The following KCNIP2 variants were observed in gnomAD, a reference collection of about 807,000 sequenced individuals.
The protein encoded by KCNIP2 is A-type potassium channel modulatory protein KCNIP2.
In KCNIP2, 19 loss-of-function variants were observed where a neutral mutation model predicts 39.0. The observed-to-expected ratio is 0.49, with a 90% confidence interval of 0.34 to 0.71. KCNIP2 has a LOEUF of 0.71. Among genes scored for constraint, KCNIP2 ranks in the 30% least tolerant of loss-of-function variants. KCNIP2 has a pLI of 0.01. For missense variants in KCNIP2, 261 were observed against 346.0 expected, an observed-to-expected ratio of 0.75 and a Z score of 1.95; for synonymous variants, 111 against 131.2, an observed-to-expected ratio of 0.85 and a Z score of 1.05.
chr10:101,842,090 C>T (rs777238613), intron 1 of KCNIP2, among the ~76,000 whole-genome samples: 1 of 152,208 alleles, frequency 6.6e-6, no homozygotes, highest in South Asian at 2.1e-4. Flanking sequence ...TCCCCTCCCC[C>T]TTCCCAGGTC....
At chr10:101,833,370 C>T (rs1455198826) in intron 1 of KCNIP2, among the ~76,000 whole-genome samples, 2 of 152,126 alleles carry the variant, frequency 1.3e-5, no homozygotes, top group Admixed American at 6.5e-5. Flanking sequence ...CTGGAGATCA[C>T]TCTGCACTTG....
In KCNIP2 at chr10:101,843,613, C is replaced by T. The variant is rs1179764964; in HGVS notation, c.-45G>A. 8 of 1,228,584 alleles carry T rather than the reference C, an allele frequency of 6.5e-6. No individual in the cohort carries two copies. Among genetic ancestry groups the T allele is most frequent in the East Asian group, 2.8e-5 (1 of 35,332 alleles). 76.1% of individuals were successfully genotyped at this position (1,228,584 alleles called of 1,614,324 possible). On this transcript the variant is annotated 5_prime_UTR_variant, in exon 1 of 10. Transcript: ENST00000356640. This position sits in a 1 kb window ranked among gnomAD's most constrained non-coding sequence, Gnocchi z 6.7. ...CCGCCCGGGCCGTGGGAGGGGGCGC[C>T]GGGTGGCCGGGATAGGGCGCTCACA... is the stretch of plus-strand genomic sequence containing the variant.
At position 101,843,090 on chromosome 10, in the gene KCNIP2, C is replaced by G. The variant is rs1263650832; in HGVS notation, c.73+406G>C. ...GTCCTACGCAAACTCAAACATCTGA[C>G]GAGACCATACAATTGCACTGCCACA... On this transcript the variant is annotated intron_variant, in intron 1 of 9. Transcript: ENST00000356640. This position sits in a 1 kb window ranked among gnomAD's most constrained non-coding sequence, Gnocchi z 6.7. 1.3e-5 allele frequency among the ~76,000 whole-genome samples: 2 copies of G among 152,204 alleles called. No homozygotes were observed. The highest frequency in any genetic ancestry group is 4.8e-5 in the African/African-American group (2 of 41,438).
intron 1 of KCNIP2, among the ~76,000 whole-genome samples, chr10:101,842,707 T>C (rs1040457931): frequency 2.0e-5 from 3 of 151,936 alleles, no homozygotes; most frequent in African/African-American, 7.3e-5. Context: ...TGTGGAAAAA[T>C]TGGTGAAGGA....
Position 101,827,907 on chromosome 10 carries a change from G to T in KCNIP2, c.684C>A (p.His228Gln). 2 of 1,613,474 alleles carry T rather than the reference G, an allele frequency of 1.2e-6. No homozygotes were observed. Among genetic ancestry groups the T allele is most frequent in the Non-Finnish European group, 1.7e-6 (2 of 1,179,406 alleles). ...PALREEAPRE[H>Q]VESFFQKMDR... The stretch of plus-strand genomic sequence containing the variant: ...CAAGTACCTGGAAGAAGCTCTCCAC[G>T]TGTTCCCTTGGGGCCTCCTCCCGGA... Residue 228 changes from histidine (H) to glutamine (Q), a missense_variant, in exon 8 of 10, where the codon CAC becomes CAA. Physicochemically the swap from His to Gln is conservative, Grantham distance 24. Transcript: ENST00000356640.
chr10:101,827,572 G>T lies in KCNIP2; in HGVS notation c.765+117C>A, dbSNP rs1372694868. On this transcript the variant is annotated intron_variant, in intron 9 of 9. Coordinates refer to ENST00000356640, the MANE Select transcript of KCNIP2 (RefSeq NM_173191.3). The stretch of plus-strand genomic sequence containing the variant: ...GGGTAAGCCTCCCACAAAGGAATAG[G>T]ATTGAAATATGGGGGTGAGGTGGGA... 30 of 1,343,060 alleles carry T rather than the reference G, an allele frequency of 2.2e-5. No homozygotes were observed. The Admixed American group carries it at 2.4e-4, about 11-fold the overall frequency. 83.2% of individuals were successfully genotyped at this position (1,343,060 alleles called of 1,614,324 possible). A position where few individuals can be genotyped will look rare whatever the true frequency, so the allele number is the denominator to read the frequency against.
intron 1 of KCNIP2, among the ~76,000 whole-genome samples, chr10:101,837,076 A>T (rs1251255171): frequency 6.6e-6 from 1 of 152,196 alleles, no homozygotes; most frequent in East Asian, 1.9e-4. Flanking sequence ...GTGCCACTGT[A>T]CTTCAGCCTA....
At position 101,828,816 on chromosome 10, in the gene KCNIP2, C is replaced by T; in HGVS notation, c.349-120G>A. On this transcript the variant is annotated intron_variant, in intron 4 of 9. Transcript: ENST00000356640. The surrounding 1 kb of genome is among the most constrained non-coding windows in gnomAD (Gnocchi z 6.6). Reference sequence around the variant, plus strand: ...ATAATCTTCAAGCCTCCAGAGGACTCACCACGTGGCTCATGTGATGGGAGG... The same window carrying T: ...ATAATCTTCAAGCCTCCAGAGGACTTACCACGTGGCTCATGTGATGGGAGG... 1 of 1,589,482 alleles carries T rather than the reference C, an allele frequency of 6.3e-7. No individual in the cohort carries two copies. Among genetic ancestry groups the T allele is most frequent in the Non-Finnish European group, 8.6e-7 (1 of 1,167,546 alleles).
intron 2 of KCNIP2, among the ~76,000 whole-genome samples, chr10:101,830,639 C>T (rs2065942745): frequency 6.6e-6 from 1 of 151,940 alleles, no homozygotes; most frequent in Non-Finnish European, 1.5e-5. Context: ...CCCCCTTATG[C>T]TCCAGCCTTG....
Position 101,843,445 on chromosome 10 carries a change from G to T in KCNIP2, c.73+51C>A. On this transcript the variant is annotated intron_variant, in intron 1 of 9. Coordinates refer to ENST00000356640, the MANE Select transcript of KCNIP2 (RefSeq NM_173191.3). This position sits in a 1 kb window ranked among gnomAD's most constrained non-coding sequence, Gnocchi z 6.7. Reference sequence around the variant, plus strand: ...CGGGGTCGGAGAGGCGGAAGGGTCTGGAGGAATGGAATCCACCCTCCCTCC... The same window carrying T: ...CGGGGTCGGAGAGGCGGAAGGGTCTTGAGGAATGGAATCCACCCTCCCTCC... The T allele has an allele frequency of 7.8e-7, 1 of 1,288,672 alleles. No individual in the cohort carries two copies. Among genetic ancestry groups the T allele is most frequent in the Non-Finnish European group, 1.1e-6 (1 of 942,306 alleles). 79.8% of individuals were successfully genotyped at this position (1,288,672 alleles called of 1,614,324 possible).
Position 101,843,642 on chromosome 10 carries a change from C to G in KCNIP2, c.-74G>C. ...TGGCCGGGATAGGGCGCTCACACGG[C>G]GCCCCCTGGCGGCCTACTGTGCTGT... is the stretch of plus-strand genomic sequence containing the variant. On this transcript the variant is annotated 5_prime_UTR_variant, in exon 1 of 10. Coordinates refer to ENST00000356640, the MANE Select transcript of KCNIP2 (RefSeq NM_173191.3). This position sits in a 1 kb window ranked among gnomAD's most constrained non-coding sequence, Gnocchi z 6.7. The G allele has an allele frequency of 1.2e-6, 1 of 817,354 alleles. No homozygotes were observed. 50.6% of individuals were successfully genotyped at this position (817,354 alleles called of 1,614,324 possible).
chr10:101,827,815 A>G (rs572725527), intron 8 of KCNIP2, 64 bp from the exon 9 acceptor site: 1 of 1,535,262 alleles, frequency 6.5e-7, no homozygotes, highest in African/African-American at 1.4e-5. Context: ...GACAGAAGTC[A>G]GGTGAGTTCC....
Position 101,827,899 on chromosome 10 carries a change from C to G in KCNIP2, c.692G>C (p.Ser231Thr). ...CCCACTCCCAAGTACCTGGAAGAAG[C>G]TCTCCACGTGTTCCCTTGGGGCCTC... Reference protein sequence around the residue: ...REEAPREHVESFFQKMDRNKD... With the variant: ...REEAPREHVETFFQKMDRNKD... Residue 231 changes from serine to threonine, a missense_variant, in exon 8 of 10, where the codon AGC (serine) becomes ACC (threonine). Coordinates refer to ENST00000356640, the MANE Select transcript of KCNIP2 (RefSeq NM_173191.3). The G allele has an allele frequency of 5.0e-6, 8 of 1,613,190 alleles. No individual in the cohort carries two copies. The highest frequency in any genetic ancestry group is 6.8e-6 in the Non-Finnish European group (8 of 1,179,118).
At chr10:101,841,862 C>G (rs2066348086) in intron 1 of KCNIP2, among the ~76,000 whole-genome samples, 1 of 152,200 alleles carries the variant, frequency 6.6e-6, no homozygotes, top group South Asian at 2.1e-4. Flanking sequence ...GGCCCCTAGG[C>G]CCTTACTACT....
At chr10:101,827,660 AG>A (rs769441984) in intron 9 of KCNIP2, 28 bp downstream of exon 9, 13 of 1,612,822 alleles carry the variant, frequency 8.1e-6, no homozygotes, top group Non-Finnish European at 1.1e-5. Flanking sequence ...AGTCCAGGTC[AG>A]GGTAATGTAG....
Position 101,843,592 on chromosome 10 carries a change from C to A in KCNIP2, c.-24G>T. On this transcript the variant is annotated 5_prime_UTR_variant, in exon 1 of 10. Transcript: ENST00000356640. The surrounding 1 kb of genome is among the most constrained non-coding windows in gnomAD (Gnocchi z 6.7). ...ATGGCCCCCGGCGCCCCGCTCCCGC[C>A]CGGGCCGTGGGAGGGGGCGCCGGGT... is the stretch of plus-strand genomic sequence containing the variant. 1 of 1,438,484 alleles carries A rather than the reference C, an allele frequency of 7.0e-7. No individual in the cohort carries two copies. The highest frequency in any genetic ancestry group is 9.2e-7 in the Non-Finnish European group (1 of 1,091,510). 89.1% of individuals were successfully genotyped at this position (1,438,484 alleles called of 1,614,324 possible).
At chr10:101,827,817 G>T in intron 8 of KCNIP2, 66 bp from the exon 9 acceptor site, 3 of 1,535,044 alleles carry the variant, frequency 2.0e-6, no homozygotes, top group South Asian at 2.2e-5. Flanking sequence ...CAGAAGTCAG[G>T]TGAGTTCCCT....
chr10:101,840,368 G>T (rs937814058), intron 1 of KCNIP2, among the ~76,000 whole-genome samples: 1 of 151,952 alleles, frequency 6.6e-6, no homozygotes, highest in African/African-American at 2.4e-5. Context: ...GGAGAAAGAG[G>T]CCAGTGTATT....
intron 1 of KCNIP2, among the ~76,000 whole-genome samples, chr10:101,840,583 T>C: frequency 8.4e-6 from 1 of 119,000 alleles, no homozygotes; most frequent in Middle Eastern, 4.4e-3. Context: ...CTGCGCCCCT[T>C]TCCTGGACTC....
Sources: gnomAD v4.1 joint callset for allele counts (sites outside exome capture counted in the v4.1 genomes callset) on GRCh38, gnomAD v4.1.1 for gene constraint, Gnocchi (gnomAD v3.1) non-coding constraint, MANE v1.5 for transcripts, NCBI Gene and HGNC (gene_info 2026-07-23, HGNC 2026-07-21) for gene names.